AGPS: variants seen among roughly 807,000 people sequenced by gnomAD.
AGPS encodes alkyldihydroxyacetonephosphate synthase, peroxisomal.
In AGPS, 26 loss-of-function variants were observed where a neutral mutation model predicts 90.7. The ratio of observed to expected loss-of-function variants is 0.29; its 90% CI spans 0.21 to 0.40. The LOEUF (loss-of-function observed/expected upper bound fraction) is 0.40, where lower values mean the gene tolerates loss of function less well. AGPS is among the 10% of genes least tolerant of loss of function. The pLI, the probability that AGPS is intolerant of heterozygous loss-of-function variation, is 1.00. For missense variants in AGPS, 540 were observed against 816.1 expected, an observed-to-expected ratio of 0.66 and a Z score of 4.12; for synonymous variants, 294 against 285.3, an observed-to-expected ratio of 1.03 and a Z score of -0.31.
At chr2:177,444,874 A>G (rs1350435942) in intron 7 of AGPS, among the ~76,000 whole-genome samples, 3 of 152,244 alleles carry the variant, frequency 2.0e-5, no homozygotes, top group African/African-American at 4.8e-5. Flanking sequence ...AAGAATGCCA[A>G]ATAACATTTT....
At chr2:177,412,732 C>T (rs914883840) in intron 1 of AGPS, among the ~76,000 whole-genome samples, 2 of 152,120 alleles carry the variant, frequency 1.3e-5, no homozygotes, top group African/African-American at 2.4e-5. Flanking sequence ...TGTTCTCTGA[C>T]CTGGGGTTCT....
At chr2:177,414,955 A>G (rs1461327239) in intron 1 of AGPS, among the ~76,000 whole-genome samples, 1 of 149,608 alleles carries the variant, frequency 6.7e-6, no homozygotes, top group East Asian at 2.0e-4. Context: ...TGATGAATGC[A>G]TTATAAATAA....
Position 177,527,159 on chromosome 2 carries a change from G to A in AGPS, c.1855+3354G>A, listed in dbSNP as rs567148393. ...TAAATGTATATGGGCTGGGCATGGG[G>A]GCTCACACCTGTAATCCCAACACTT... On this transcript the variant is annotated intron_variant, in intron 19 of 19. Coordinates refer to ENST00000264167, the MANE Select transcript of AGPS (RefSeq NM_003659.4). 2.0e-5 allele frequency among the ~76,000 whole-genome samples: 3 copies of A among 152,134 alleles called. No homozygotes were observed. In the East Asian group the frequency reaches 5.8e-4, roughly 29 times the overall value.
intron 11 of AGPS, among the ~76,000 whole-genome samples, chr2:177,486,133 G>A (rs1688086283): frequency 6.6e-6 from 1 of 152,160 alleles, no homozygotes; most frequent in Non-Finnish European, 1.5e-5. Context: ...ACTTGAAACT[G>A]ATTTTAAAAG....
chr2:177,462,450 A>G (rs867821623), intron 9 of AGPS, among the ~76,000 whole-genome samples: 6 of 152,080 alleles, frequency 3.9e-5, no homozygotes, highest in Middle Eastern at 3.4e-3. Flanking sequence ...CCTCCCATAA[A>G]TAAACTCCTT....
intron 11 of AGPS, among the ~76,000 whole-genome samples, chr2:177,489,700 A>T (rs555828813): frequency 6.6e-6 from 1 of 152,246 alleles, no homozygotes; most frequent in Non-Finnish European, 1.5e-5. Context: ...AAATATAGTT[A>T]GGTACAAGTT....
chr2:177,459,846 C>T (rs565972212), intron 8 of AGPS, among the ~76,000 whole-genome samples: 12 of 152,264 alleles, frequency 7.9e-5, no homozygotes, highest in African/African-American at 2.2e-4. Context: ...AATCAGCCTA[C>T]GATAAAGACA....
At chr2:177,438,619 C>T (rs1396463413) in intron 5 of AGPS, among the ~76,000 whole-genome samples, 2 of 152,072 alleles carry the variant, frequency 1.3e-5, no homozygotes, top group African/African-American at 4.8e-5. Flanking sequence ...TTTTGTGAAG[C>T]CATAAGGGTT....
intron 17 of AGPS, among the ~76,000 whole-genome samples, chr2:177,520,042 A>T (rs1689134537): frequency 6.6e-6 from 1 of 152,048 alleles, no homozygotes. Flanking sequence ...CACTGGTGGG[A>T]GTGTAGGTGT....
intron 10 of AGPS, among the ~76,000 whole-genome samples, chr2:177,470,513 G>A (rs1687582439): frequency 6.6e-6 from 1 of 151,922 alleles, no homozygotes; most frequent in Non-Finnish European, 1.5e-5. Flanking sequence ...AGACCAGCCT[G>A]ACCAACATGT....
At chr2:177,415,115 G>A (rs758922661) in intron 1 of AGPS, among the ~76,000 whole-genome samples, 8 of 151,714 alleles carry the variant, frequency 5.3e-5, no homozygotes, top group Non-Finnish European at 1.0e-4. Flanking sequence ...ACATTTCATC[G>A]TGTTTCTATA....
At chr2:177,510,108 A>T (rs1375902629) in intron 16 of AGPS, among the ~76,000 whole-genome samples, 1 of 152,202 alleles carries the variant, frequency 6.6e-6, no homozygotes, top group African/African-American at 2.4e-5. Context: ...TTGGCCTGCT[A>T]TACAGAGCAC....
At chr2:177,447,558 T>C (rs1027563187) in intron 8 of AGPS, among the ~76,000 whole-genome samples, 1 of 152,012 alleles carries the variant, frequency 6.6e-6, no homozygotes, top group African/African-American at 2.4e-5. Flanking sequence ...ATTTTGTATC[T>C]TTATTATAGC....
At chr2:177,481,704 C>T (rs1297031300) in intron 10 of AGPS, among the ~76,000 whole-genome samples, 1 of 151,756 alleles carries the variant, frequency 6.6e-6, no homozygotes, top group Non-Finnish European at 1.5e-5. Context: ...ACGCTTTTGT[C>T]TGAATACATA....
At chr2:177,522,295 C>T (rs1227207164) in intron 18 of AGPS, among the ~76,000 whole-genome samples, 2 of 152,176 alleles carry the variant, frequency 1.3e-5, no homozygotes, top group Non-Finnish European at 2.9e-5. Flanking sequence ...TACAGTACCA[C>T]AGAGTGAAAT....
rs372828577 is a variant in AGPS, at chr2:177,430,145, G to T, written c.351-4182G>T. On this transcript the variant is annotated intron_variant, in intron 2 of 19. Coordinates refer to ENST00000264167, the MANE Select transcript of AGPS (RefSeq NM_003659.4). ...CAGACCACCTGGACTGCCTGGAGCT[G>T]GCAGGCTAGAACAGCTGAGTCAACC... Among the ~76,000 whole-genome samples, 21 of 152,330 alleles carry T rather than the reference G, an allele frequency of 1.4e-4. No homozygotes were observed. In the East Asian group the frequency reaches 2.5e-3, roughly 18 times the overall value.
intron 9 of AGPS, among the ~76,000 whole-genome samples, chr2:177,463,228 A>G (rs1351312499): frequency 6.6e-6 from 1 of 152,128 alleles, no homozygotes; most frequent in Non-Finnish European, 1.5e-5. Context: ...TGCTTTTTCA[A>G]TGATTAGTTG....
At chr2:177,494,055 G>C (rs1688344548) in intron 12 of AGPS, among the ~76,000 whole-genome samples, 1 of 152,064 alleles carries the variant, frequency 6.6e-6, no homozygotes, top group African/African-American at 2.4e-5. Context: ...TATGATAATG[G>C]GTTGTAGTTA....
At chr2:177,464,385 A>C (rs540129087) in intron 9 of AGPS, among the ~76,000 whole-genome samples, 6 of 152,368 alleles carry the variant, frequency 3.9e-5, no homozygotes, top group African/African-American at 1.2e-4. Context: ...GGAACCTGTG[A>C]AAAAATTAAA....
Sources: allele counts gnomAD v4.1 joint callset (sites outside exome capture counted in the v4.1 genomes callset), GRCh38; gene constraint gnomAD v4.1.1; transcripts MANE v1.5; gene names NCBI Gene and HGNC (gene_info 2026-07-23, HGNC 2026-07-21).